The following KIF4A variants were observed in gnomAD, a reference collection of about 807,000 sequenced individuals.
KIF4A encodes kinesin family member 4A, also known as chromosome-associated kinesin KIF4A.
A neutral mutation model predicts 105.9 loss-of-function variants in KIF4A; 7 were observed. The ratio of observed to expected loss-of-function variants is 0.07; its 90% CI spans 0.04 to 0.12. The LOEUF (loss-of-function observed/expected upper bound fraction) is 0.12. KIF4A is among the 10% of genes least tolerant of loss of function. The pLI, the probability that KIF4A is intolerant of heterozygous loss-of-function variation, is 1.00. For missense variants in KIF4A, 558 were observed against 929.2 expected (o/e 0.60, Z 5.19); for synonymous variants, 281 against 331.3 (o/e 0.85, Z 1.65).
At chrX:70,413,148 C>T (rs935677528) in intron 28 of KIF4A, among the ~76,000 whole-genome samples, 8 of 112,181 alleles carry the variant, frequency 7.1e-5, no homozygotes, top group African/African-American at 2.6e-4. Context: ...ATGTGCCAGG[C>T]ACTGTTTCTA....
Position 70,395,742 on chromosome X carries a change from T to G in KIF4A, c.2304T>G (p.Leu768=). 8.3e-7 allele frequency: 1 copy of G among 1,211,123 alleles called. No homozygotes were observed. The highest frequency in any genetic ancestry group is 3.0e-5 in the East Asian group (1 of 33,803). ...CCAAACGCCATCTGAATGACCTCCTTGAAGATAGAAAGATCCTGGCTCAAG... is the reference window on the plus strand; with the variant it reads ...CCAAACGCCATCTGAATGACCTCCTGGAAGATAGAAAGATCCTGGCTCAAG... ...EEAKRHLNDL[L]EDRKILAQDV... The change falls in exon 21 of 31, where the codon CTT becomes CTG. Residue 768 remains leucine, a synonymous_variant. Transcript: ENST00000374403.
chrX:70,378,860 GAAA>G (rs368821747), intron 18 of KIF4A, among the ~76,000 whole-genome samples: 5 of 104,901 alleles, frequency 4.8e-5, no homozygotes, highest in African/African-American at 1.7e-4. Flanking sequence ...GCCTTAATAA[GAAA>G]AAAAAAGAGG....
Position 70,407,131 on chromosome X carries a change from A to G in KIF4A, c.3255+56A>G, listed in dbSNP as rs1450289515. ...TTTTGTTGTTGTTGTTTTTGGAGAC[A>G]GAGTCTCACTCTGTCGCCCAGGCTG... On this transcript the variant is annotated intron_variant, in intron 28 of 30. Coordinates refer to ENST00000374403, the MANE Select transcript of KIF4A (RefSeq NM_012310.5). 24 of 1,125,219 alleles carry G rather than the reference A, an allele frequency of 2.1e-5. No homozygotes were observed. The East Asian group carries it at 7.2e-4, about 34-fold the overall frequency. 92.7% of individuals were successfully genotyped at this position (1,125,219 alleles called of 1,213,427 possible). A position where few individuals can be genotyped will look rare whatever the true frequency, so the allele number is the denominator to read the frequency against.
chrX:70,368,368 C>G (rs1186944986), intron 15 of KIF4A, among the ~76,000 whole-genome samples: 1 of 111,918 alleles, frequency 8.9e-6, no homozygotes, highest in African/African-American at 3.2e-5. Flanking sequence ...TTTTTCCCCA[C>G]CTTTGTGGTT....
At chrX:70,359,578 C>G (rs1021433890) in intron 15 of KIF4A, among the ~76,000 whole-genome samples, 1 of 109,951 alleles carries the variant, frequency 9.1e-6, no homozygotes, top group African/African-American at 3.3e-5. Flanking sequence ...AGGATCCTTC[C>G]TGCTTTCTGC....
intron 3 of KIF4A, among the ~76,000 whole-genome samples, chrX:70,296,293 C>T (rs1406349436): frequency 9.1e-6 from 1 of 110,206 alleles, no homozygotes; most frequent in Non-Finnish European, 1.9e-5. Context: ...CCATGTTGCC[C>T]AGTCTAATGT....
chrX:70,294,643 A>G (rs1036592970), intron 3 of KIF4A, among the ~76,000 whole-genome samples: 1 of 112,871 alleles, frequency 8.9e-6, no homozygotes, highest in Non-Finnish European at 1.9e-5. Flanking sequence ...AAATGCTATT[A>G]TATGGCACAC....
chrX:70,338,610 ACTTGCAAGTTTTTATATGGACAT>A (rs766963407), intron 10 of KIF4A, among the ~76,000 whole-genome samples: 31 of 111,631 alleles, frequency 2.8e-4, no homozygotes, highest in Non-Finnish European at 5.3e-4. Context: ...GCAAACATTC[ACTTGCAAGTTTTTATATGGACAT>A]GGGTTTTCAT....
At chrX:70,401,464 G>A (rs750833554) in intron 22 of KIF4A, among the ~76,000 whole-genome samples, 1 of 105,694 alleles carries the variant, frequency 9.5e-6, no homozygotes, top group Non-Finnish European at 1.9e-5. Flanking sequence ...GCAATGGCAC[G>A]ATCTCGGCTC....
At chrX:70,311,042 T>C (rs2085847736) in intron 7 of KIF4A, among the ~76,000 whole-genome samples, 1 of 108,121 alleles carries the variant, frequency 9.2e-6, no homozygotes, top group Non-Finnish European at 1.9e-5. Flanking sequence ...GGAGGATCGA[T>C]TGAGCCCTGA....
chrX:70,329,057 A>T (rs1055865756), intron 7 of KIF4A, among the ~76,000 whole-genome samples: 6 of 111,557 alleles, frequency 5.4e-5, no homozygotes, highest in African/African-American at 2.0e-4. Context: ...GTAAAAAAAA[A>T]CCTGTTCATC....
chrX:70,300,234 A>G (rs1026923420), intron 5 of KIF4A, among the ~76,000 whole-genome samples: 3 of 111,622 alleles, frequency 2.7e-5, no homozygotes, highest in Admixed American at 1.9e-4. Context: ...ATCAGCCCTG[A>G]TAAGCTTGGA....
At chrX:70,353,582 C>T (rs762936632) in intron 14 of KIF4A, 40 bp from the exon 15 acceptor site, 32 of 1,153,510 alleles carry the variant, frequency 2.8e-5, no homozygotes, top group Non-Finnish European at 3.6e-5. Flanking sequence ...ACTCCATTTG[C>T]TTGTTTCTCT....
intron 28 of KIF4A, among the ~76,000 whole-genome samples, chrX:70,414,658 TA>T (rs2086336053): frequency 8.9e-6 from 1 of 111,951 alleles, no homozygotes; most frequent in African/African-American, 3.2e-5. Flanking sequence ...GACTGGGGAG[TA>T]AAAATTACGT....
At chrX:70,406,016 T>G in intron 26 of KIF4A, 111 bp downstream of exon 26, 2 of 599,603 alleles carry the variant, frequency 3.3e-6, no homozygotes, top group Non-Finnish European at 5.5e-6. Context: ...TCATGAGGTC[T>G]ACATTTAGTT....
chrX:70,375,636 C>T (rs2147722912), intron 17 of KIF4A, among the ~76,000 whole-genome samples: 1 of 111,713 alleles, frequency 9.0e-6, no homozygotes, highest in Non-Finnish European at 1.9e-5. Flanking sequence ...GATCACCTTC[C>T]ATGATCATGC....
At chrX:70,294,676 G>T (rs1288410899) in intron 3 of KIF4A, among the ~76,000 whole-genome samples, 1 of 112,862 alleles carries the variant, frequency 8.9e-6, no homozygotes, top group Non-Finnish European at 1.9e-5. Context: ...TGAAGTTAAA[G>T]TAAGAATAAC....
chrX:70,389,997 G>A (rs1039992653), intron 20 of KIF4A, among the ~76,000 whole-genome samples: 1 of 112,347 alleles, frequency 8.9e-6, no homozygotes, highest in South Asian at 3.7e-4. Flanking sequence ...TTAGATACAC[G>A]AATGCAGTAT....
chrX:70,357,359 G>T (rs2086056238), intron 15 of KIF4A, among the ~76,000 whole-genome samples: 1 of 111,995 alleles, frequency 8.9e-6, no homozygotes, highest in Non-Finnish European at 1.9e-5. Context: ...CTTCATTGTG[G>T]TCAGACATAC....
Sources: gnomAD v4.1 joint callset for allele counts (sites outside exome capture counted in the v4.1 genomes callset) on GRCh38, gnomAD v4.1.1 for gene constraint, MANE v1.5 for transcripts, NCBI Gene and HGNC (gene_info 2026-07-23, HGNC 2026-07-21) for gene names.